NEK11: variants seen among roughly 807,000 people sequenced by gnomAD.
NEK11 encodes NIMA related kinase 11.
A neutral mutation model predicts 80.7 loss-of-function variants in NEK11; 72 were observed. The ratio of observed to expected loss-of-function variants is 0.89; its 90% CI spans 0.74 to 1.08. NEK11 has a LOEUF of 1.08. Among genes scored for constraint, NEK11 ranks in the 50% least tolerant of loss-of-function variants. NEK11 has a pLI of 0.00. For synonymous variants in NEK11, 251 were observed against 260.7 expected, an observed-to-expected ratio of 0.96 and a Z score of 0.36; for missense variants, 764 against 763.6, an observed-to-expected ratio of 1.00 and a Z score of -0.01.
intron 9 of NEK11, among the ~76,000 whole-genome samples, chr3:131,154,633 T>G (rs983751754): frequency 4.6e-5 from 7 of 152,122 alleles, no homozygotes; most frequent in African/African-American, 1.7e-4. Flanking sequence ...GGCTACTGAG[T>G]TTTTTGGTGC....
intron 5 of NEK11, among the ~76,000 whole-genome samples, chr3:131,117,421 C>T (rs1327176258): frequency 6.6e-6 from 1 of 152,098 alleles, no homozygotes; most frequent in Non-Finnish European, 1.5e-5. Flanking sequence ...ATGCCTCGAG[C>T]TTTGTTCTTT....
chr3:131,103,932 G>A (rs2078778731), intron 4 of NEK11, among the ~76,000 whole-genome samples: 1 of 152,190 alleles, frequency 6.6e-6, no homozygotes, highest in African/African-American at 2.4e-5. Context: ...GGCTGCAGTG[G>A]CAGCAATGGC....
intron 14 of NEK11, among the ~76,000 whole-genome samples, chr3:131,171,975 A>G (rs1172047906): frequency 1.3e-5 from 2 of 152,240 alleles, no homozygotes; most frequent in Non-Finnish European, 2.9e-5. Context: ...ATAAAAGAAA[A>G]TAGGAAAGAG....
intron 14 of NEK11, among the ~76,000 whole-genome samples, chr3:131,209,532 A>G (rs1291965451): frequency 6.6e-6 from 1 of 152,016 alleles, no homozygotes; most frequent in East Asian, 1.9e-4. Flanking sequence ...CTATTGATCT[A>G]TTGATTGGAA....
intron 16 of NEK11, among the ~76,000 whole-genome samples, chr3:131,263,476 A>T (rs2095975210): frequency 6.6e-6 from 1 of 152,066 alleles, no homozygotes; most frequent in East Asian, 1.9e-4. Context: ...GTAGCCTTGT[A>T]GTATAGTTTG....
At chr3:131,338,368 G>T (rs1340725972) in intron 17 of NEK11, among the ~76,000 whole-genome samples, 1 of 148,734 alleles carries the variant, frequency 6.7e-6, no homozygotes, top group Admixed American at 6.9e-5. Flanking sequence ...TGGAACATCT[G>T]CTTTGGAAAA....
intron 7 of NEK11, 102 bp from the exon 8 acceptor site, chr3:131,152,286 T>C (rs2089805544): frequency 1.1e-6 from 1 of 912,480 alleles, no homozygotes; most frequent in African/African-American, 1.7e-5. Flanking sequence ...TGTATGTTTG[T>C]GCCTCACAGC....
intron 12 of NEK11, among the ~76,000 whole-genome samples, chr3:131,166,826 A>G (rs937270185): frequency 1.6e-4 from 24 of 152,106 alleles, no homozygotes; most frequent in African/African-American, 4.8e-4. Context: ...TGCCACCACT[A>G]TGGAAGGACT....
intron 14 of NEK11, among the ~76,000 whole-genome samples, chr3:131,226,013 C>A (rs923823240): frequency 4.0e-5 from 6 of 151,748 alleles, no homozygotes; most frequent in African/African-American, 1.5e-4. Context: ...AATGGGAGAG[C>A]AAGAGGGAAA....
intron 10 of NEK11, among the ~76,000 whole-genome samples, chr3:131,160,553 G>A (rs1019743464): frequency 6.6e-6 from 1 of 152,172 alleles, no homozygotes; most frequent in Non-Finnish European, 1.5e-5. Context: ...ATAACATCAT[G>A]ATGACAGGAT....
intron 16 of NEK11, among the ~76,000 whole-genome samples, chr3:131,259,095 A>G (rs1279555036): frequency 6.6e-6 from 1 of 152,110 alleles, no homozygotes; most frequent in Admixed American, 6.6e-5. Context: ...TACCTTTCCA[A>G]ACATCACAGA....
At chr3:131,215,310 T>C (rs9824330) in intron 14 of NEK11, among the ~76,000 whole-genome samples, 2 of 149,300 alleles carry the variant, frequency 1.3e-5, no homozygotes, top group Admixed American at 1.3e-4. Context: ...CATTAGGAGA[T>C]ATACCTAATG....
intron 17 of NEK11, among the ~76,000 whole-genome samples, chr3:131,303,144 T>G (rs2096680638): frequency 6.6e-6 from 1 of 152,186 alleles, no homozygotes; most frequent in South Asian, 2.1e-4. Context: ...GAAATTAGAA[T>G]AGTGCCCCTG....
chr3:131,236,154 A>G (rs1203690672), intron 15 of NEK11, among the ~76,000 whole-genome samples: 1 of 152,238 alleles, frequency 6.6e-6, no homozygotes, highest in Non-Finnish European at 1.5e-5. Flanking sequence ...CTTAAATTGC[A>G]GGACTTTCTT....
intron 10 of NEK11, 33 bp downstream of exon 10, chr3:131,155,154 C>T (rs746718603): frequency 1.6e-5 from 21 of 1,339,886 alleles, no homozygotes; most frequent in African/African-American, 4.3e-5. Flanking sequence ...AAAAGCCCAT[C>T]GAGTGTAAAT....
At position 131,332,024 on chromosome 3, in the gene NEK11, C is replaced by T. The variant is rs531064084; in HGVS notation, c.1719-17533C>T. Among the ~76,000 whole-genome samples, 372 of 152,362 alleles carry T rather than the reference C, an allele frequency of 2.4e-3. 2 individuals carry two copies. The highest frequency in any genetic ancestry group is 4.0e-3 in the Non-Finnish European group (272 of 68,032). ...GGCCTGCCTGCCTCTGTAGGCTCCA[C>T]CTCTGGGGGCAGGGCACAGACAAAC... On this transcript the variant is annotated intron_variant, in intron 17 of 17. Transcript: ENST00000383366.
rs150502010 is a variant in NEK11, at chr3:131,320,170, A to G, written c.1719-29387A>G. Among the ~76,000 whole-genome samples the G allele has an allele frequency of 2.0e-3, 304 of 152,306 alleles. 1 individual carries two copies. The highest frequency in any genetic ancestry group is 7.1e-3 in the African/African-American group (294 of 41,578). On this transcript the variant is annotated intron_variant, in intron 17 of 17. Transcript: ENST00000383366. ...ACCTTCCCCAGATACAAAGAAAATA[A>G]AAGAAAAATTAAATTATTAACACAG...
intron 14 of NEK11, among the ~76,000 whole-genome samples, chr3:131,228,247 A>G (rs1247500581): frequency 6.6e-6 from 1 of 152,188 alleles, no homozygotes; most frequent in African/African-American, 2.4e-5. Context: ...CCAAATGTCA[A>G]AATGTTAAAG....
intron 11 of NEK11, among the ~76,000 whole-genome samples, chr3:131,163,104 T>C (rs1357061636): frequency 2.6e-5 from 4 of 152,110 alleles, no homozygotes; most frequent in African/African-American, 9.7e-5. Context: ...AGCCAGGATG[T>C]AGAGAAAAGG....
Sources: allele counts gnomAD v4.1 joint callset (sites outside exome capture counted in the v4.1 genomes callset), GRCh38; gene constraint gnomAD v4.1.1; transcripts MANE v1.5; gene names NCBI Gene and HGNC (gene_info 2026-07-23, HGNC 2026-07-21).